GMPR2: variants seen among roughly 807,000 people sequenced by gnomAD.
GMPR2 encodes the protein GMP reductase 2.
In GMPR2, 32 loss-of-function variants were observed where a neutral mutation model predicts 38.5. The observed-to-expected ratio is 0.83, with a 90% CI of 0.63 to 1.12. The LOEUF (loss-of-function observed/expected upper bound fraction) is 1.12, where lower values mean the gene tolerates loss of function less well. Ranked by LOEUF, GMPR2 falls within the 50% of genes most tolerant of loss-of-function variation. The pLI, the probability that GMPR2 is intolerant of heterozygous loss-of-function variation, is 0.00. For synonymous variants in GMPR2, 154 were observed against 151.0 expected, an observed-to-expected ratio of 1.02 and a Z score of -0.15; for missense variants, 396 against 432.1, an observed-to-expected ratio of 0.92 and a Z score of 0.74.
In GMPR2 at chr14:24,238,612, A is replaced by G; in HGVS notation, c.881A>G (p.Glu294Gly). The G allele has an allele frequency of 6.2e-7, 1 of 1,614,132 alleles. No homozygotes were observed. The highest frequency in any genetic ancestry group is 1.1e-5 in the South Asian group (1 of 91,082). The change falls in exon 10 of 10, where the codon GAA becomes GGA. Residue 294 changes from glutamate (E) to glycine (G), a missense_variant. Transcript: ENST00000399440. Reference protein sequence around the residue: ...EYRASEGKTVEVPFKGDVEHT... With the variant: ...EYRASEGKTVGVPFKGDVEHT... Reference sequence around the variant, plus strand: ...AGAGCCTCAGAGGGAAAGACAGTGGAAGTTCCTTTTAAAGGAGATGTGGAA... The same window carrying G: ...AGAGCCTCAGAGGGAAAGACAGTGGGAGTTCCTTTTAAAGGAGATGTGGAA...
chr14:24,237,677 T>C (rs2040412632), intron 8 of GMPR2, 115 bp downstream of exon 8: 9 of 947,404 alleles, frequency 9.5e-6, no homozygotes, highest in East Asian at 2.4e-5. Flanking sequence ...TTTCATAATA[T>C]GAATTAGTGA....
chr14:24,235,737 TTC>T lies in GMPR2; in HGVS notation c.216_217del (p.Phe73HisfsTer5), dbSNP rs750293811. The T allele has an allele frequency of 5.0e-6, 8 of 1,607,266 alleles. No homozygotes were observed. Among genetic ancestry groups the T allele is most frequent in the South Asian group, 2.2e-5 (2 of 90,948 alleles). ...TFEMAKVLCK[F>X]SLFTAVHKHY... Reference sequence around the variant, plus strand: ...TGATGCTTCTTTGTCTTCTCCCCAGTTCTCTCTCTTCACTGCTGTCCATAAGC... The same window carrying T: ...TGATGCTTCTTTGTCTTCTCCCCAGTTCTCTCTTCACTGCTGTCCATAAGC... On this transcript the variant is annotated frameshift_variant and splice_region_variant, in exon 4 of 10. Transcript: ENST00000399440. LOFTEE classifies it high-confidence loss of function.
chr14:24,234,231 T>C, intron 3 of GMPR2: 1 of 1,289,538 alleles, frequency 7.8e-7, no homozygotes, highest in Non-Finnish European at 1.0e-6. Context: ...TCTATACTTG[T>C]TGCTGAGAAG....
chr14:24,234,622 T>G (rs2040249572), intron 3 of GMPR2, among the ~76,000 whole-genome samples: 1 of 152,210 alleles, frequency 6.6e-6, no homozygotes, highest in East Asian at 1.9e-4. Context: ...CTTTCAGTAT[T>G]GCTGACGAGA....
In GMPR2 at chr14:24,238,235, G is replaced by T; in HGVS notation, c.698-11G>T. 1 of 1,603,826 alleles carries T rather than the reference G, an allele frequency of 6.2e-7. No individual in the cohort carries two copies. The highest frequency in any genetic ancestry group is 8.5e-7 in the Non-Finnish European group (1 of 1,173,970). On this transcript the variant is annotated splice_polypyrimidine_tract_variant and intron_variant, in intron 8 of 9. Transcript: ENST00000399440. ...AGATTAATCTCTTTCCCCCCTCCAT[G>T]ATGGTGGCAGGGGCAGGAGCTGACT... is the stretch of plus-strand genomic sequence containing the variant.
intron 3 of GMPR2, chr14:24,234,008 A>T (rs2040212321): frequency 1.1e-6 from 1 of 933,882 alleles, no homozygotes; most frequent in African/African-American, 1.7e-5. Context: ...TAACTAGAAG[A>T]TCCTAGGAGA....
chr14:24,235,689 C>T, intron 3 of GMPR2, 48 bp from the exon 4 acceptor site: 1 of 1,241,386 alleles, frequency 8.1e-7, no homozygotes, highest in African/African-American at 1.5e-5. Context: ...AGAAAAGAGA[C>T]CTTAATAAAG....
Position 24,237,581 on chromosome 14 carries a change from CAGA to C in GMPR2, c.697+22_697+24del. 6.2e-7 allele frequency: 1 copy of C among 1,609,502 alleles called. No homozygotes were observed. The highest frequency in any genetic ancestry group is 8.5e-7 in the Non-Finnish European group (1 of 1,175,760). ...GCTTTTGGTAAGGAGCTTGAGGGCA[CAGA>C]AGGATGATTCTATACAAGAGGATGA... is the stretch of plus-strand genomic sequence containing the variant. On this transcript the variant is annotated intron_variant, in intron 8 of 9. Transcript: ENST00000399440.
chr14:24,233,682 C>T (rs1262655912), intron 3 of GMPR2, 84 bp downstream of exon 3: 15 of 1,436,462 alleles, frequency 1.0e-5, no homozygotes, highest in Non-Finnish European at 1.3e-5. Flanking sequence ...CACCCCCATG[C>T]CCAGTCAGTT....
At position 24,235,806 on chromosome 14, in the gene GMPR2, CCTGA is replaced by C. The variant is rs779923248; in HGVS notation, c.281_284del (p.Asp94ValfsTer29). 1.9e-6 allele frequency: 3 copies of C among 1,612,892 alleles called. No homozygotes were observed. Among genetic ancestry groups the C allele is most frequent in the Non-Finnish European group, 2.5e-6 (3 of 1,178,836 alleles). On this transcript the variant is annotated frameshift_variant, in exon 4 of 10. Transcript: ENST00000399440. LOFTEE classifies it high-confidence loss of function. ...GTGGCAAGAGTTTGCTGGCCAGAAT[CCTGA>C]CTGTCTTGAGGTAACACTGGGCATA... is the stretch of plus-strand genomic sequence containing the variant.
intron 3 of GMPR2, chr14:24,233,982 A>T: frequency 1.5e-6 from 1 of 666,038 alleles, no homozygotes; most frequent in Non-Finnish European, 2.3e-6. Flanking sequence ...ACTACAGTTT[A>T]AGCATTCAAA....
rs373534062 is a variant in GMPR2, at chr14:24,237,231, C to G, written c.548-14C>G. ...TGGAGCACGTCATTCTTACCCTTAT[C>G]ATGTTCTTCCTAGGCTCTGTGTGTA... On this transcript the variant is annotated splice_polypyrimidine_tract_variant and intron_variant, in intron 6 of 9. Transcript: ENST00000399440. The G allele has an allele frequency of 2.5e-6, 4 of 1,582,434 alleles. No homozygotes were observed. In the African/African-American group the frequency reaches 5.4e-5, roughly 21 times the overall value.
At chr14:24,234,763 ATC>A (rs1401309105) in intron 3 of GMPR2, among the ~76,000 whole-genome samples, 3 of 152,232 alleles carry the variant, frequency 2.0e-5, no homozygotes, top group Admixed American at 2.0e-4. Flanking sequence ...CTGCCAGTAT[ATC>A]TCCAACATCT....
Position 24,237,091 on chromosome 14 carries a change from A to G in GMPR2, c.486A>G (p.Gly162=), listed in dbSNP as rs1435653105. 1 of 1,613,144 alleles carries G rather than the reference A, an allele frequency of 6.2e-7. No homozygotes were observed. ...CTCAGGCAGGGAATGTGGTAACAGG[A>G]GAGATGGTAGAAGAGCTCATCCTTT... ...HTIMAGNVVT[G]EMVEELILSG... is the part of the protein sequence containing the mutation. Residue 162 remains glycine, a synonymous_variant, in exon 6 of 10, where the codon GGA becomes GGG. Transcript: ENST00000399440.
At position 24,238,789 on chromosome 14, in the gene GMPR2, T is replaced by C; in HGVS notation, c.*11T>C. 6.2e-7 allele frequency: 1 copy of C among 1,608,786 alleles called. No homozygotes were observed. Among genetic ancestry groups the C allele is most frequent in the Admixed American group, 1.7e-5 (1 of 59,992 alleles). Reference sequence around the variant, plus strand: ...AGTGAGGCGTGCTAGACCTGAGCAGTTCTACCCTCCCAAGGCACCAGTACT... The same window carrying C: ...AGTGAGGCGTGCTAGACCTGAGCAGCTCTACCCTCCCAAGGCACCAGTACT... On this transcript the variant is annotated 3_prime_UTR_variant, in exon 10 of 10. Transcript: ENST00000399440.
Position 24,238,929 on chromosome 14 carries a change from T to G in GMPR2, c.*151T>G, listed in dbSNP as rs765398958. 1.4e-6 allele frequency: 1 copy of G among 719,726 alleles called. No homozygotes were observed. Among genetic ancestry groups the G allele is most frequent in the South Asian group, 1.5e-5 (1 of 67,372 alleles). The allele number at this position is 719,726 out of a possible 1,614,324, so 44.6% of individuals were successfully genotyped here. ...AGGGCTCCTGCAGTAACTCTGTACT[T>G]CTCTATCTGCACACACAAAATGCCC... On this transcript the variant is annotated 3_prime_UTR_variant, in exon 10 of 10. Coordinates refer to ENST00000399440, the MANE Select transcript of GMPR2 (RefSeq NM_001002002.3).
intron 3 of GMPR2, chr14:24,234,040 AAT>A: frequency 1.9e-5 from 23 of 1,186,396 alleles, no homozygotes; most frequent in Non-Finnish European, 2.6e-5. Context: ...AATTTTCTTT[AAT>A]AAGAACAATT....
rs1477526061 is a variant in GMPR2, at chr14:24,235,949, ACT to A, written c.292-15_292-14del. ...CCAGATCATCTCTGATATGCCAATG[ACT>A]CTGTTTCTCCCACAGCATCTGGCTG... On this transcript the variant is annotated splice_polypyrimidine_tract_variant and intron_variant, in intron 4 of 9. Coordinates refer to ENST00000399440, the MANE Select transcript of GMPR2 (RefSeq NM_001002002.3). 10 of 1,612,658 alleles carry A rather than the reference ACT, an allele frequency of 6.2e-6. No homozygotes were observed. Among genetic ancestry groups the A allele is most frequent in the South Asian group, 1.1e-5 (1 of 91,044 alleles).
intron 7 of GMPR2, 35 bp from the exon 8 acceptor site, chr14:24,237,485 T>C (rs1566683824): frequency 6.2e-7 from 1 of 1,609,856 alleles, no homozygotes; most frequent in Middle Eastern, 1.8e-4. Flanking sequence ...GCTTGGGAAA[T>C]CCATGTTGTA....
Sources: allele counts gnomAD v4.1 joint callset (sites outside exome capture counted in the v4.1 genomes callset), GRCh38; gene constraint gnomAD v4.1.1; transcripts MANE v1.5; gene names NCBI Gene and HGNC (gene_info 2026-07-23, HGNC 2026-07-21).